Variants in SFXN5 observed in about 807,000 individuals in gnomAD.
SFXN5 encodes the protein sideroflexin-5.
SFXN5 carries 43 observed loss-of-function variants against 50.2 expected under a neutral mutation model. That is an observed-to-expected ratio of 0.86 (90% CI 0.67 to 1.11). The LOEUF (loss-of-function observed/expected upper bound fraction) is 1.11. Ranked by LOEUF, SFXN5 falls within the 50% of genes least tolerant of loss-of-function variation. The pLI, the probability that SFXN5 is intolerant of heterozygous loss-of-function variation, is 0.00. For missense variants in SFXN5, 463 were observed against 454.1 expected, an observed-to-expected ratio of 1.02 and a Z score of -0.18; for synonymous variants, 203 against 185.8, an observed-to-expected ratio of 1.09 and a Z score of -0.75.
chr2:72,981,912 T>A (rs2105523302), intron 10 of SFXN5, among the ~76,000 whole-genome samples: 1 of 152,266 alleles, frequency 6.6e-6, no homozygotes, highest in South Asian at 2.1e-4. Context: ...TTAGAGAGAT[T>A]ATCGAATGGG....
intron 2 of SFXN5, among the ~76,000 whole-genome samples, chr2:73,050,253 T>A (rs1038567569): frequency 2.0e-5 from 3 of 152,110 alleles, no homozygotes; most frequent in Admixed American, 2.0e-4. Context: ...GACAGCCCTA[T>A]CCCCACAATG....
intron 13 of SFXN5, among the ~76,000 whole-genome samples, chr2:72,954,055 C>T (rs1162668527): frequency 2.0e-5 from 3 of 152,144 alleles, no homozygotes; most frequent in African/African-American, 7.2e-5. Flanking sequence ...TGAGGTTGGC[C>T]TTCCTGCCTC....
intron 1 of SFXN5, among the ~76,000 whole-genome samples, chr2:73,061,463 G>C (rs1479238335): frequency 6.6e-6 from 1 of 152,136 alleles, no homozygotes; most frequent in Non-Finnish European, 1.5e-5. Context: ...GCAGATTGAA[G>C]ATGTCCTAAT....
At chr2:73,037,865 G>A (rs145386840) in intron 3 of SFXN5, among the ~76,000 whole-genome samples, 79 of 152,224 alleles carry the variant, frequency 5.2e-4, no homozygotes, top group African/African-American at 1.8e-3. Context: ...CCTTTTTCAG[G>A]AAGCTACGAG....
At chr2:72,962,822 G>C (rs1476443397) in intron 12 of SFXN5, among the ~76,000 whole-genome samples, 1 of 152,188 alleles carries the variant, frequency 6.6e-6, no homozygotes, top group Non-Finnish European at 1.5e-5. Context: ...CAGACCGCAA[G>C]GTTTGTCCAG....
chr2:73,068,428 ACCT>A (rs762687960), intron 1 of SFXN5, among the ~76,000 whole-genome samples: 8 of 152,056 alleles, frequency 5.3e-5, no homozygotes, highest in African/African-American at 1.9e-4. Flanking sequence ...CTTTAGACTC[ACCT>A]CCTTAGAGAC....
chr2:73,067,529 T>C (rs1447891641), intron 1 of SFXN5, among the ~76,000 whole-genome samples: 1 of 152,230 alleles, frequency 6.6e-6, no homozygotes, highest in South Asian at 2.1e-4. Flanking sequence ...GCAGGAATTG[T>C]TTGTTGTCTT....
chr2:73,059,254 C>G (rs73945740), intron 1 of SFXN5: 61,504 of 985,650 alleles, frequency 0.062, 2,062 homozygotes, highest in East Asian at 0.14. Context: ...AACCAAGCAA[C>G]CCGGCTGCTG....
At chr2:73,001,040 C>T (rs1334279546) in intron 7 of SFXN5, among the ~76,000 whole-genome samples, 1 of 152,232 alleles carries the variant, frequency 6.6e-6, no homozygotes, top group African/African-American at 2.4e-5. Context: ...CAGAGATATC[C>T]TCAGTTTTCA....
At chr2:73,032,402 C>T (rs1431756402) in intron 3 of SFXN5, among the ~76,000 whole-genome samples, 3 of 152,198 alleles carry the variant, frequency 2.0e-5, no homozygotes, top group Non-Finnish European at 2.9e-5. Flanking sequence ...TTGAACCTTG[C>T]TTGATTTCTC....
intron 6 of SFXN5, among the ~76,000 whole-genome samples, chr2:73,018,644 C>T (rs1443738411): frequency 6.6e-6 from 1 of 152,024 alleles, no homozygotes; most frequent in Non-Finnish European, 1.5e-5. Context: ...AGTTTTTTAC[C>T]CAATAGTTTT....
chr2:73,012,649 A>AACACACACACACACACACACAC (rs57635824), intron 6 of SFXN5, among the ~76,000 whole-genome samples: 1 of 125,858 alleles, frequency 7.9e-6, no homozygotes, highest in Non-Finnish European at 1.7e-5. Flanking sequence ...CTAGCCAAAC[A>AACACACACACACACACACACAC]ACACACACAC....
rs1420574667 is a variant in SFXN5, at chr2:72,973,803, G to C, written c.626-2118C>G. Among the ~76,000 whole-genome samples, 1 of 152,200 alleles carries C rather than the reference G, an allele frequency of 6.6e-6. No individual in the cohort carries two copies. The highest frequency in any genetic ancestry group is 1.5e-5 in the Non-Finnish European group (1 of 68,030). On this transcript the variant is annotated intron_variant, in intron 10 of 13. Transcript: ENST00000272433. The surrounding 1 kb of genome is among the most constrained non-coding windows in gnomAD (Gnocchi z 5.5). ...GTGACATGCCCTCTAGTGGCCTTAGGGAGGCTATGCATCCCCCATGCCCTT... is the reference window on the plus strand; with the variant it reads ...GTGACATGCCCTCTAGTGGCCTTAGCGAGGCTATGCATCCCCCATGCCCTT...
intron 13 of SFXN5, among the ~76,000 whole-genome samples, chr2:72,949,423 G>C (rs550087823): frequency 7.8e-4 from 118 of 152,166 alleles, no homozygotes; most frequent in Non-Finnish European, 1.5e-3. Context: ...TCTTGCCTCA[G>C]CCTCCTGAGT....
chr2:72,948,554 T>C (rs1672191794), intron 13 of SFXN5, among the ~76,000 whole-genome samples: 1 of 152,200 alleles, frequency 6.6e-6, no homozygotes, highest in Admixed American at 6.5e-5. Flanking sequence ...GAGGCCCACA[T>C]TAAAATCAGA....
intron 6 of SFXN5, among the ~76,000 whole-genome samples, chr2:73,008,605 G>C (rs1029117426): frequency 6.6e-6 from 1 of 152,236 alleles, no homozygotes; most frequent in Non-Finnish European, 1.5e-5. Context: ...GGAAGCGGCA[G>C]TGCTGTGCTT....
At chr2:73,012,234 G>A (rs894093127) in intron 6 of SFXN5, among the ~76,000 whole-genome samples, 9 of 152,130 alleles carry the variant, frequency 5.9e-5, no homozygotes, top group South Asian at 4.1e-4. Context: ...GCAGAGATTC[G>A]GGGTTGAGGA....
chr2:73,013,640 C>T (rs892967617), intron 6 of SFXN5, among the ~76,000 whole-genome samples: 1 of 151,890 alleles, frequency 6.6e-6, no homozygotes, highest in African/African-American at 2.4e-5. Flanking sequence ...AGGGCAACGA[C>T]ATAAAAATAG....
At chr2:72,966,245 C>T (rs999575685) in intron 12 of SFXN5, among the ~76,000 whole-genome samples, 13 of 152,182 alleles carry the variant, frequency 8.5e-5, no homozygotes, top group South Asian at 2.1e-4. Flanking sequence ...TTGACTTGTG[C>T]GAGTGTTCTA....
Sources: gnomAD v4.1 joint callset for allele counts (sites outside exome capture counted in the v4.1 genomes callset) on GRCh38, gnomAD v4.1.1 for gene constraint, Gnocchi (gnomAD v3.1) non-coding constraint, MANE v1.5 for transcripts, NCBI Gene and HGNC (gene_info 2026-07-23, HGNC 2026-07-21) for gene names.